The following MARCHF1 variants were observed in gnomAD, a reference collection of about 807,000 sequenced individuals.
MARCHF1 encodes the protein membrane associated ring-CH-type finger 1.
A neutral mutation model predicts 54.2 loss-of-function variants in MARCHF1; 40 were observed. The ratio of observed to expected loss-of-function variants is 0.74; its 90% confidence interval spans 0.57 to 0.96. The LOEUF (loss-of-function observed/expected upper bound fraction) is 0.96, where lower values mean the gene tolerates loss of function less well. Ranked by LOEUF, MARCHF1 falls within the 40% of genes least tolerant of loss-of-function variation. The pLI is 0.00. For synonymous variants in MARCHF1, 236 were observed against 236.3 expected (o/e 1.00, Z 0.01); for missense variants, 586 against 656.5 (o/e 0.89, Z 1.17).
chr4:163,608,001 T>C (rs1329597733), intron 7 of MARCHF1, among the ~76,000 whole-genome samples: 1 of 152,156 alleles, frequency 6.6e-6, no homozygotes, highest in African/African-American at 2.4e-5. Flanking sequence ...TACAGTGCTA[T>C]GATTTTGCAT....
intron 1 of MARCHF1, among the ~76,000 whole-genome samples, chr4:164,242,750 T>A (rs1229032588): frequency 2.0e-5 from 3 of 152,102 alleles, no homozygotes; most frequent in African/African-American, 7.2e-5. Context: ...GAAGAATGTA[T>A]AACTAGAATA....
chr4:163,588,810 A>G (rs1378140272), intron 7 of MARCHF1, among the ~76,000 whole-genome samples: 2 of 152,192 alleles, frequency 1.3e-5, no homozygotes, highest in East Asian at 1.9e-4. Context: ...AAATGATTCA[A>G]TTCAATATTT....
chr4:163,674,919 A>G (rs1237278225), intron 5 of MARCHF1, among the ~76,000 whole-genome samples: 1 of 152,224 alleles, frequency 6.6e-6, no homozygotes, highest in African/African-American at 2.4e-5. Context: ...CTTGAAGAAT[A>G]TATTAGTAAT....
chr4:164,144,182 T>G (rs1173483461), intron 1 of MARCHF1, among the ~76,000 whole-genome samples: 3 of 149,996 alleles, frequency 2.0e-5, no homozygotes, highest in Non-Finnish European at 4.4e-5. Flanking sequence ...AAGTCCTGAC[T>G]GACCTACAAA....
chr4:164,202,993 AAG>A lies in MARCHF1; in HGVS notation c.-322-91333_-322-91332del, dbSNP rs113576749. Among the ~76,000 whole-genome samples, 433 of 148,450 alleles carry A rather than the reference AAG, an allele frequency of 2.9e-3. 5 individuals carry two copies. In the East Asian group the frequency reaches 0.033, roughly 11 times the overall value. On this transcript the variant is annotated intron_variant, in intron 1 of 9. Coordinates refer to ENST00000514618, the MANE Select transcript of MARCHF1 (RefSeq NM_001394959.1). ...ATGTACAAGCACAGAGAAAGGGAGA[AAG>A]AGAGAGAGAGAGAGAGAGAAATAAC...
chr4:164,149,662 C>G (rs1729878557), intron 1 of MARCHF1, among the ~76,000 whole-genome samples: 1 of 152,046 alleles, frequency 6.6e-6, no homozygotes, highest in Non-Finnish European at 1.5e-5. Context: ...AGATTCGGGT[C>G]AGTAGTAAAA....
At chr4:164,197,034 T>G in intron 1 of MARCHF1, 1 of 1,605,624 alleles carries the variant, frequency 6.2e-7, no homozygotes, top group Non-Finnish European at 8.5e-7. Flanking sequence ...CCCTTTCTTC[T>G]TCACCAAGCT....
chr4:163,613,640 A>G, intron 5 of MARCHF1: 1 of 1,416,044 alleles, frequency 7.1e-7, no homozygotes, highest in Non-Finnish European at 9.2e-7. Context: ...GAGGAAGATG[A>G]TTCCACAAGT....
intron 4 of MARCHF1, among the ~76,000 whole-genome samples, chr4:163,836,914 G>C (rs887248915): frequency 5.9e-5 from 9 of 152,034 alleles, no homozygotes; most frequent in Non-Finnish European, 1.2e-4. Flanking sequence ...AAGTGACCAA[G>C]TTGAAGCAGA....
intron 1 of MARCHF1, among the ~76,000 whole-genome samples, chr4:164,339,182 A>G (rs1399240517): frequency 6.6e-6 from 1 of 152,172 alleles, no homozygotes; most frequent in East Asian, 1.9e-4. Context: ...CAGAAAAATC[A>G]ATAAGGAAAC....
chr4:164,031,772 G>A (rs562580597), intron 2 of MARCHF1, among the ~76,000 whole-genome samples: 43 of 152,198 alleles, frequency 2.8e-4, no homozygotes, highest in African/African-American at 9.6e-4. Context: ...TGTTCATCAG[G>A]GATATTGGTC....
intron 1 of MARCHF1, among the ~76,000 whole-genome samples, chr4:164,165,945 C>CT (rs1226139159): frequency 6.6e-6 from 1 of 151,830 alleles, no homozygotes; most frequent in African/African-American, 2.4e-5. Context: ...ATTTCAGTTG[C>CT]TTTTTTTCAT....
chr4:164,021,849 C>T (rs1396787550), intron 2 of MARCHF1, among the ~76,000 whole-genome samples: 1 of 111,694 alleles, frequency 9.0e-6, no homozygotes, highest in South Asian at 3.5e-4. Context: ...AGTGAACCTC[C>T]ATGTCAAAAA....
intron 2 of MARCHF1, among the ~76,000 whole-genome samples, chr4:164,049,301 C>T (rs1040850447): frequency 1.4e-4 from 21 of 152,270 alleles, no homozygotes; most frequent in Admixed American, 7.8e-4. Context: ...GGGAACCACC[C>T]CCGTGATTCA....
At chr4:163,886,344 GATAGA>G (rs1560803591) in intron 3 of MARCHF1, among the ~76,000 whole-genome samples, 1 of 147,818 alleles carries the variant, frequency 6.8e-6, no homozygotes, top group African/African-American at 2.5e-5. Flanking sequence ...TAGATAGATA[GATAGA>G]TATAGATAGA....
At chr4:164,237,207 C>T (rs1732586778) in intron 1 of MARCHF1, among the ~76,000 whole-genome samples, 1 of 152,110 alleles carries the variant, frequency 6.6e-6, no homozygotes, top group Non-Finnish European at 1.5e-5. Context: ...AGCCCCAATT[C>T]TTTAAAAAAT....
intron 4 of MARCHF1, among the ~76,000 whole-genome samples, chr4:163,757,497 C>A (rs1367460034): frequency 6.6e-6 from 1 of 152,100 alleles, no homozygotes; most frequent in African/African-American, 2.4e-5. Flanking sequence ...ATAATGATGT[C>A]ATTTTTTATA....
intron 1 of MARCHF1, among the ~76,000 whole-genome samples, chr4:164,143,277 A>G (rs1756597495): frequency 6.7e-6 from 1 of 149,996 alleles, no homozygotes; most frequent in African/African-American, 2.5e-5. Flanking sequence ...AACTTCCCCA[A>G]TCTAGCAAGG....
chr4:164,101,605 C>A (rs1273402862), intron 2 of MARCHF1, among the ~76,000 whole-genome samples: 1 of 128,686 alleles, frequency 7.8e-6, no homozygotes, highest in Non-Finnish European at 1.7e-5. Flanking sequence ...CACCAAAAAC[C>A]CATCTGTACA....
Sources: allele counts gnomAD v4.1 joint callset (sites outside exome capture counted in the v4.1 genomes callset), GRCh38; gene constraint gnomAD v4.1.1; transcripts MANE v1.5; gene names NCBI Gene and HGNC (gene_info 2026-07-23, HGNC 2026-07-21).